Variants in RAPGEF6 observed in about 807,000 individuals in gnomAD.
RAPGEF6 encodes Rap guanine nucleotide exchange factor 6.
A neutral mutation model predicts 171.4 loss-of-function variants in RAPGEF6; 56 were observed. The ratio of observed to expected loss-of-function variants is 0.33; its 90% CI spans 0.26 to 0.41. RAPGEF6 has a LOEUF of 0.41. RAPGEF6 is among the 10% of genes least tolerant of loss of function. The pLI, the probability that RAPGEF6 is intolerant of heterozygous loss-of-function variation, is 1.00. For synonymous variants in RAPGEF6, 692 were observed against 650.1 expected, an observed-to-expected ratio of 1.06 and a Z score of -0.98; for missense variants, 1,674 against 1,921.4, an observed-to-expected ratio of 0.87 and a Z score of 2.41.
intron 24 of RAPGEF6, chr5:131,436,003 G>C (rs1201263511): frequency 2.6e-5 from 40 of 1,536,522 alleles, no homozygotes; most frequent in Non-Finnish European, 3.1e-5. Flanking sequence ...GCAGTTTAAA[G>C]TGTTACTGTT....
intron 25 of RAPGEF6, among the ~76,000 whole-genome samples, chr5:131,432,540 C>T (rs550377302): frequency 5.9e-5 from 9 of 152,206 alleles, no homozygotes; most frequent in Non-Finnish European, 1.2e-4. Context: ...ACAGCGTGAA[C>T]CCAGGAGGCG....
At chr5:131,603,847 T>C (rs6890784) in intron 2 of RAPGEF6, among the ~76,000 whole-genome samples, 118,597 of 151,746 alleles carry the variant, frequency 0.78, 46,682 homozygotes, top group African/African-American at 0.84. Context: ...ATAATAAATC[T>C]CTAATAATTA....
At chr5:131,545,775 T>G (rs1369378204) in intron 6 of RAPGEF6, among the ~76,000 whole-genome samples, 2 of 152,256 alleles carry the variant, frequency 1.3e-5, no homozygotes, top group Non-Finnish European at 2.9e-5. Flanking sequence ...GTACCTAACA[T>G]GACCAAAAAG....
Position 131,525,108 on chromosome 5 carries a change from T to C in RAPGEF6, c.496-3587A>G, listed in dbSNP as rs544230837. ...TTTTTAATACAGATTTCAGTAGCAG[T>C]CTGAATAAGCAAAATACACGAAAAC... is the stretch of plus-strand genomic sequence containing the variant. On this transcript the variant is annotated intron_variant, in intron 6 of 27. Transcript: ENST00000509018. Among the ~76,000 whole-genome samples, 168 of 152,254 alleles carry C rather than the reference T, an allele frequency of 1.1e-3. 1 individual carries two copies. The highest frequency in any genetic ancestry group is 7.8e-4 in the Admixed American group (12 of 15,290).
At chr5:131,541,198 C>G (rs954053546) in intron 6 of RAPGEF6, among the ~76,000 whole-genome samples, 3 of 152,156 alleles carry the variant, frequency 2.0e-5, no homozygotes, top group Non-Finnish European at 2.9e-5. Context: ...ACTCTATGAA[C>G]AGGAAATGTC....
chr5:131,612,883 A>G (rs1253191375), intron 1 of RAPGEF6, among the ~76,000 whole-genome samples: 1 of 152,224 alleles, frequency 6.6e-6, no homozygotes, highest in Non-Finnish European at 1.5e-5. Context: ...TTAACTTTTC[A>G]ATGTTAAAGT....
chr5:131,540,576 G>A (rs1265419262), intron 6 of RAPGEF6, among the ~76,000 whole-genome samples: 3 of 152,020 alleles, frequency 2.0e-5, no homozygotes, highest in African/African-American at 7.2e-5. Context: ...AAGCAACAAC[G>A]ACAAAAATAT....
intron 1 of RAPGEF6, among the ~76,000 whole-genome samples, chr5:131,609,329 G>T (rs1417427936): frequency 6.6e-6 from 1 of 152,164 alleles, no homozygotes; most frequent in African/African-American, 2.4e-5. Context: ...ATGGATGTCT[G>T]GTCAGGGGTC....
chr5:131,546,765 T>C (rs537474363), intron 6 of RAPGEF6, among the ~76,000 whole-genome samples: 4 of 152,330 alleles, frequency 2.6e-5, no homozygotes, highest in Non-Finnish European at 5.9e-5. Context: ...TTAGTTTATA[T>C]ATTTGTTTTT....
In RAPGEF6 at chr5:131,433,457, A is replaced by C; in HGVS notation, c.3947T>G (p.Ile1316Arg). 1 of 1,613,146 alleles carries C rather than the reference A, an allele frequency of 6.2e-7. No individual in the cohort carries two copies. Among genetic ancestry groups the C allele is most frequent in the Non-Finnish European group, 8.5e-7 (1 of 1,179,116 alleles). ...ALEKTEHASG[I>R]GDHSQHGPGW... ...AGGGCCATGTTGACTATGATCTCCT[A>C]TCCCTGAAGCGTGCTCTGTCTTTTC... is the stretch of plus-strand genomic sequence containing the variant. Residue 1316 changes from isoleucine to arginine, a missense_variant, in exon 25 of 28, where the codon ATA becomes AGA. Physicochemically the swap from Ile to Arg is moderately conservative, Grantham distance 97. Coordinates refer to ENST00000509018, the MANE Select transcript of RAPGEF6 (RefSeq NM_016340.6).
At chr5:131,619,993 A>C (rs976332936) in intron 1 of RAPGEF6, among the ~76,000 whole-genome samples, 1 of 152,188 alleles carries the variant, frequency 6.6e-6, no homozygotes, top group Non-Finnish European at 1.5e-5. Flanking sequence ...AATGTATATA[A>C]AGTTTTCATA....
chr5:131,439,570 T>C lies in RAPGEF6; in HGVS notation c.3745+11A>G, dbSNP rs747841889. 7 of 1,601,678 alleles carry C rather than the reference T, an allele frequency of 4.4e-6. No individual in the cohort carries two copies. In the African/African-American group the frequency reaches 8.1e-5, roughly 18 times the overall value. On this transcript the variant is annotated intron_variant, in intron 24 of 27. Transcript: ENST00000509018. The stretch of plus-strand genomic sequence containing the variant: ...GTTTAACAAGAACTAGTTTGAAATG[T>C]TTTGTCTTACCTTTGTGAGGGGAGC...
At chr5:131,436,870 G>C (rs1048064112) in intron 24 of RAPGEF6, among the ~76,000 whole-genome samples, 5 of 152,048 alleles carry the variant, frequency 3.3e-5, no homozygotes, top group Admixed American at 6.5e-5. Context: ...AAGGTGGAGA[G>C]TGCTTTTCTT....
intron 27 of RAPGEF6, among the ~76,000 whole-genome samples, chr5:131,428,177 G>C (rs1751485910): frequency 6.6e-6 from 1 of 152,152 alleles, no homozygotes; most frequent in Non-Finnish European, 1.5e-5. Flanking sequence ...CGGAGGCTGG[G>C]GTGGGAGGAC....
At chr5:131,590,245 C>A (rs949186537) in intron 4 of RAPGEF6, among the ~76,000 whole-genome samples, 1 of 152,032 alleles carries the variant, frequency 6.6e-6, no homozygotes, top group Non-Finnish European at 1.5e-5. Context: ...ACTAAAAATA[C>A]AAAAATTAGC....
Position 131,603,316 on chromosome 5 carries a change from G to A in RAPGEF6, c.152C>T (p.Ala51Val). ...ACTGTATCTCTCATAGCGTGCTCTT[G>A]CAGACATTAATCTATTAAAAAAAAA... is the stretch of plus-strand genomic sequence containing the variant. ...LREHQLRLMSARARYERYSGN... is the reference protein window; with the variant it reads ...LREHQLRLMSVRARYERYSGN... The change falls in exon 3 of 28, where the codon GCA becomes GTA. Residue 51 changes from alanine (A) to valine (V), a missense_variant. Ala to Val is a moderately conservative substitution (Grantham distance 64, BLOSUM62 0). This residue lies in a region of RAPGEF6 where 1,116 missense variants were observed against 1,321.5 expected (regional missense o/e 0.84). Coordinates refer to ENST00000509018, the MANE Select transcript of RAPGEF6 (RefSeq NM_016340.6). 6.4e-7 allele frequency: 1 copy of A among 1,558,958 alleles called. No individual in the cohort carries two copies. The highest frequency in any genetic ancestry group is 8.6e-7 in the Non-Finnish European group (1 of 1,156,214).
intron 7 of RAPGEF6, among the ~76,000 whole-genome samples, chr5:131,515,749 G>A (rs992317613): frequency 1.3e-5 from 2 of 152,156 alleles, no homozygotes; most frequent in African/African-American, 4.8e-5. Context: ...GGGTAGAAGA[G>A]CATGATTAAA....
chr5:131,485,471 T>C (rs1291681517), intron 15 of RAPGEF6, among the ~76,000 whole-genome samples: 6 of 152,182 alleles, frequency 3.9e-5, no homozygotes, highest in African/African-American at 1.4e-4. Flanking sequence ...GTGTCACTTT[T>C]CTCCACAGGA....
intron 4 of RAPGEF6, among the ~76,000 whole-genome samples, chr5:131,579,411 C>G (rs925957582): frequency 3.9e-5 from 6 of 152,244 alleles, no homozygotes; most frequent in African/African-American, 1.4e-4. Context: ...TCTGGCCCCA[C>G]CCACATCCTG....
Sources: gnomAD v4.1 joint callset for allele counts (sites outside exome capture counted in the v4.1 genomes callset) on GRCh38, gnomAD v4.1.1 for gene constraint, gnomAD v4.1.1 regional missense constraint, MANE v1.5 for transcripts, NCBI Gene and HGNC (gene_info 2026-07-23, HGNC 2026-07-21) for gene names.